The following UNC5C variants were observed in gnomAD, a reference collection of about 807,000 sequenced individuals.
The protein encoded by UNC5C is netrin receptor UNC5C.
UNC5C carries 47 observed loss-of-function variants against 99.8 expected under a neutral mutation model. The observed-to-expected ratio is 0.47, with a 90% CI of 0.37 to 0.60. The LOEUF (loss-of-function observed/expected upper bound fraction) is 0.60. UNC5C is among the 20% of genes least tolerant of loss of function. UNC5C has a pLI of 0.00. For missense variants in UNC5C, 1,062 were observed against 1,165.9 expected (o/e 0.91, Z 1.30); for synonymous variants, 487 against 452.2 (o/e 1.08, Z -0.98).
chr4:95,184,984 T>C, intron 13 of UNC5C, 63 bp downstream of exon 13: 2 of 1,457,734 alleles, frequency 1.4e-6, no homozygotes, highest in Non-Finnish European at 1.8e-6. Context: ...CCTATGTCTA[T>C]ATAATTTTAG....
chr4:95,438,431 G>A lies in UNC5C; in HGVS notation c.125-102800C>T, dbSNP rs143603152. 3.1e-3 allele frequency among the ~76,000 whole-genome samples: 284 copies of A among 91,356 alleles called. 3 individuals carry two copies. Among genetic ancestry groups the A allele is most frequent in the African/African-American group, 9.5e-3 (262 of 27,562 alleles). 59.9% of individuals were successfully genotyped at this position (91,356 alleles called of 152,430 possible). On this transcript the variant is annotated intron_variant, in intron 1 of 15. Coordinates refer to ENST00000453304, the MANE Select transcript of UNC5C (RefSeq NM_003728.4). Reference sequence around the variant, plus strand: ...TATTTAATAATTCAACTATAGGAACGTCTCTTTTTGAAAATATCATATAAA... The same window carrying A: ...TATTTAATAATTCAACTATAGGAACATCTCTTTTTGAAAATATCATATAAA...
intron 4 of UNC5C, among the ~76,000 whole-genome samples, chr4:95,277,990 A>G (rs1330754128): frequency 6.6e-6 from 1 of 152,266 alleles, no homozygotes; most frequent in Non-Finnish European, 1.5e-5. Flanking sequence ...GTGCCAGACA[A>G]AATAAAGCAG....
chr4:95,356,429 G>A (rs954530237), intron 1 of UNC5C, among the ~76,000 whole-genome samples: 3 of 152,030 alleles, frequency 2.0e-5, no homozygotes, highest in Admixed American at 1.3e-4. Context: ...TGCTTGGGAG[G>A]CATCAGCAAG....
At chr4:95,399,433 A>G (rs1745622459) in intron 1 of UNC5C, among the ~76,000 whole-genome samples, 1 of 152,224 alleles carries the variant, frequency 6.6e-6, no homozygotes. Flanking sequence ...AGTGATTTTC[A>G]AATTGGATTA....
intron 1 of UNC5C, among the ~76,000 whole-genome samples, chr4:95,443,237 A>G (rs928593100): frequency 9.2e-5 from 14 of 152,202 alleles, no homozygotes; most frequent in African/African-American, 2.7e-4. Context: ...GGAAAAGAAT[A>G]CTACGTGATC....
At chr4:95,389,023 G>C (rs748196719) in intron 1 of UNC5C, among the ~76,000 whole-genome samples, 1 of 152,072 alleles carries the variant, frequency 6.6e-6, no homozygotes, top group Non-Finnish European at 1.5e-5. Flanking sequence ...TACAGGAAAT[G>C]CTGCAAAAAG....
At chr4:95,450,393 A>T (rs963944079) in intron 1 of UNC5C, among the ~76,000 whole-genome samples, 36 of 152,088 alleles carry the variant, frequency 2.4e-4, no homozygotes, top group East Asian at 7.8e-4. Context: ...CTAATTAAAA[A>T]TTTTTTTTCT....
intron 14 of UNC5C, among the ~76,000 whole-genome samples, chr4:95,171,926 C>A (rs900384555): frequency 6.6e-6 from 1 of 151,644 alleles, no homozygotes; most frequent in Non-Finnish European, 1.5e-5. Context: ...TTAATGATTG[C>A]CATTCTAACT....
At chr4:95,478,788 C>T (rs761644231) in intron 1 of UNC5C, among the ~76,000 whole-genome samples, 1 of 151,880 alleles carries the variant, frequency 6.6e-6, no homozygotes, top group East Asian at 1.9e-4. Context: ...AAATTTGATC[C>T]CCAGTGTTGG....
At chr4:95,192,739 CT>C (rs1283358027) in intron 12 of UNC5C, among the ~76,000 whole-genome samples, 1 of 152,074 alleles carries the variant, frequency 6.6e-6, no homozygotes, top group African/African-American at 2.4e-5. Flanking sequence ...CTGCTCACCT[CT>C]TCCTCTGCTC....
At chr4:95,509,840 C>G (rs1560488664) in intron 1 of UNC5C, among the ~76,000 whole-genome samples, 2 of 151,662 alleles carry the variant, frequency 1.3e-5, no homozygotes, top group Admixed American at 1.3e-4. Flanking sequence ...ATTAATCAGC[C>G]ACACTAGTAT....
At chr4:95,290,344 T>G (rs1579299360) in intron 3 of UNC5C, among the ~76,000 whole-genome samples, 1 of 17,738 alleles carries the variant, frequency 5.6e-5, no homozygotes, top group Admixed American at 4.8e-4. Flanking sequence ...TTTGGTGGTG[T>G]TTTTTTTTTT....
chr4:95,504,100 A>G (rs1721848176), intron 1 of UNC5C, among the ~76,000 whole-genome samples: 1 of 152,198 alleles, frequency 6.6e-6, no homozygotes, highest in Non-Finnish European at 1.5e-5. Context: ...CACATATGTT[A>G]GCAGTAAAAC....
At chr4:95,230,591 CTT>C (rs1387215406) in intron 7 of UNC5C, among the ~76,000 whole-genome samples, 2 of 152,112 alleles carry the variant, frequency 1.3e-5, no homozygotes, top group African/African-American at 4.8e-5. Context: ...ACATTTAAGT[CTT>C]TAATCCATCT....
Position 95,182,974 on chromosome 4 carries a change from C to T in UNC5C, c.2374G>A (p.Glu792Lys), listed in dbSNP as rs1426511017. ...CGCACACAGAGTTTGCAAACCAGCT[C>T]CACTGTGTTCAGGCTAAATCTTTCC... ...TLERFSLNTV[E>K]LVCKLCVRQV... The change falls in exon 14 of 16, where the codon GAG becomes AAG. Residue 792 changes from glutamate (E) to lysine (K), a missense_variant. Physicochemically the swap from Glu to Lys is moderately conservative, Grantham distance 56. Transcript: ENST00000453304. 1 of 1,613,910 alleles carries T rather than the reference C, an allele frequency of 6.2e-7. No individual in the cohort carries two copies. Among genetic ancestry groups the T allele is most frequent in the South Asian group, 1.1e-5 (1 of 91,068 alleles).
intron 7 of UNC5C, among the ~76,000 whole-genome samples, chr4:95,235,454 G>C (rs2149375214): frequency 6.6e-6 from 1 of 152,248 alleles, no homozygotes; most frequent in Middle Eastern, 3.4e-3. Context: ...TCTGATGGTA[G>C]TTTCTTTTGC....
chr4:95,450,284 T>A (rs575099541), intron 1 of UNC5C, among the ~76,000 whole-genome samples: 7 of 152,256 alleles, frequency 4.6e-5, no homozygotes, highest in African/African-American at 1.7e-4. Context: ...CAATCATAGG[T>A]TCATAGCTCA....
At chr4:95,398,718 A>G (rs1049330417) in intron 1 of UNC5C, among the ~76,000 whole-genome samples, 1 of 152,184 alleles carries the variant, frequency 6.6e-6, no homozygotes, top group African/African-American at 2.4e-5. Flanking sequence ...TAAAGCATGT[A>G]GACTTAGTCT....
Position 95,202,984 on chromosome 4 carries a change from G to A in UNC5C, c.1903-20C>T. 6.2e-7 allele frequency: 1 copy of A among 1,613,098 alleles called. No homozygotes were observed. Among genetic ancestry groups the A allele is most frequent in the East Asian group, 2.2e-5 (1 of 44,866 alleles). The stretch of plus-strand genomic sequence containing the variant: ...CACATCCTGGGGGACAAGAGGGAAG[G>A]GCCATGGCTAAGTCACCCAGGACGC... On this transcript the variant is annotated intron_variant, in intron 11 of 15. Coordinates refer to ENST00000453304, the MANE Select transcript of UNC5C (RefSeq NM_003728.4).
Sources: gnomAD v4.1 joint callset for allele counts (sites outside exome capture counted in the v4.1 genomes callset) on GRCh38, gnomAD v4.1.1 for gene constraint, MANE v1.5 for transcripts, NCBI Gene and HGNC (gene_info 2026-07-23, HGNC 2026-07-21) for gene names.